PSG1: variants seen among roughly 807,000 people sequenced by gnomAD.
The protein encoded by PSG1 is pregnancy-specific beta-1-glycoprotein 1.
In PSG1, 60 loss-of-function variants were observed where a neutral mutation model predicts 41.4. The ratio of observed to expected loss-of-function variants is 1.45; its 90% CI spans 1.18 to 1.80. The LOEUF (loss-of-function observed/expected upper bound fraction) is 1.80, where lower values mean the gene tolerates loss of function less well. Ranked by LOEUF, PSG1 falls within the 40% of genes most tolerant of loss-of-function variation. The pLI is 0.00. For synonymous variants in PSG1, 256 were observed against 192.9 expected (o/e 1.33, Z -2.71); for missense variants, 806 against 516.9 (o/e 1.56, Z -5.42).
intron 2 of PSG1, among the ~76,000 whole-genome samples, chr19:42,875,405 G>C (rs1971561588): frequency 6.6e-6 from 1 of 151,674 alleles, no homozygotes; most frequent in Non-Finnish European, 1.5e-5. Context: ...GTGTCATTGG[G>C]ACAGGGTTTA....
Position 42,871,925 on chromosome 19 carries a change from C to A in PSG1, c.551G>T (p.Gly184Val). 6.2e-7 allele frequency: 1 copy of A among 1,612,436 alleles called. No homozygotes were observed. The highest frequency in any genetic ancestry group is 1.1e-5 in the South Asian group (1 of 90,824). The change falls in exon 3 of 6, where the codon GGT becomes GTT. Residue 184 changes from glycine to valine, a missense_variant. By Grantham distance (109) the Gly-to-Val change is moderately radical. Coordinates refer to ENST00000436291, the MANE Select transcript of PSG1 (RefSeq NM_001184825.2). Reference sequence around the variant, plus strand: ...GCTGTGAGTCATAGGGAGGCTCTGACCATTCATCCACCACAGGTAGCTTGC... The same window carrying A: ...GCTGTGAGTCATAGGGAGGCTCTGAACATTCATCCACCACAGGTAGCTTGC... ...PDASYLWWMN[G>V]QSLPMTHSLK...
chr19:42,876,316 A>G (rs538320378), intron 2 of PSG1, among the ~76,000 whole-genome samples: 2 of 151,518 alleles, frequency 1.3e-5, no homozygotes, highest in Admixed American at 1.3e-4. Context: ...TCCATAGTCC[A>G]GGACCAAGGA....
chr19:42,870,118 T>G, intron 3 of PSG1: 1 of 151,720 alleles, frequency 6.6e-6, no homozygotes, highest in Non-Finnish European at 1.5e-5. Flanking sequence ...GGGTGTGCAG[T>G]TTCAGTTATG....
At chr19:42,878,345 G>C (rs1971710329) in intron 1 of PSG1, 67 bp from the exon 2 acceptor site, 3 of 1,539,622 alleles carry the variant, frequency 1.9e-6, no homozygotes, top group East Asian at 2.3e-5. Context: ...ATGGGGCCCT[G>C]GGTCCTGAGA....
chr19:42,869,078 GATT>G, intron 3 of PSG1, 44 bp from the exon 4 acceptor site: 1 of 1,595,760 alleles, frequency 6.3e-7, no homozygotes, highest in Non-Finnish European at 8.5e-7. Context: ...TGGCACCTTT[GATT>G]CCTCCACAGG....
At position 42,878,264 on chromosome 19, in the gene PSG1, A is replaced by G; in HGVS notation, c.79T>C (p.Phe27Leu). 1 of 1,607,560 alleles carries G rather than the reference A, an allele frequency of 6.2e-7. No individual in the cohort carries two copies. The highest frequency in any genetic ancestry group is 8.5e-7 in the Non-Finnish European group (1 of 1,177,102). Reference sequence around the variant, plus strand: ...TGGGCAGTGGTGGGCAGGTTCCAGAAGTTTAAAAGTGATGCTAGGAGGTGG... The same window carrying G: ...TGGGCAGTGGTGGGCAGGTTCCAGAGGTTTAAAAGTGATGCTAGGAGGTGG... The part of the protein sequence containing the change: ...GLLLTASLLN[F>L]WNLPTTAQVT... Residue 27 changes from phenylalanine to leucine, a missense_variant, in exon 2 of 6, where the codon TTC (phenylalanine) becomes CTC (leucine). Coordinates refer to ENST00000436291, the MANE Select transcript of PSG1 (RefSeq NM_001184825.2).
intron 5 of PSG1, chr19:42,867,410 T>C: frequency 1.7e-6 from 1 of 575,712 alleles, no homozygotes; most frequent in Non-Finnish European, 3.1e-6. Flanking sequence ...TCTAAGTTTT[T>C]ATAAGGAATC....
At chr19:42,879,396 C>A in intron 1 of PSG1, 122 bp downstream of exon 1, 1 of 1,441,692 alleles carries the variant, frequency 6.9e-7, no homozygotes, top group Non-Finnish European at 9.6e-7. Context: ...TCATGATCCA[C>A]CCACCTCAGA....
chr19:42,879,590 C>T lies in PSG1; in HGVS notation c.-9G>A. 1 of 1,610,050 alleles carries T rather than the reference C, an allele frequency of 6.2e-7. No homozygotes were observed. Among genetic ancestry groups the T allele is most frequent in the Non-Finnish European group, 8.5e-7 (1 of 1,177,918 alleles). On this transcript the variant is annotated 5_prime_UTR_variant, in exon 1 of 6. Transcript: ENST00000436291. The stretch of plus-strand genomic sequence containing the variant: ...GCTGAGAGGGTTCCCATGGTCTCTG[C>T]TGCTTGTGTGTTCTCCTCTGTGGAG...
chr19:42,879,461 C>A (rs571630791), intron 1 of PSG1, 57 bp downstream of exon 1: 14 of 1,596,624 alleles, frequency 8.8e-6, no homozygotes, highest in South Asian at 1.1e-5. Context: ...TCCAGGAGAC[C>A]CCATCCAGTC....
In PSG1 at chr19:42,878,119, A is replaced by T. The variant is rs773134293; in HGVS notation, c.224T>A (p.Leu75His). The change falls in exon 2 of 6, where the codon CTC becomes CAC. Residue 75 changes from leucine to histidine, a missense_variant. Physicochemically the swap from Leu to His is moderately conservative, Grantham distance 99. Coordinates refer to ENST00000436291, the MANE Select transcript of PSG1 (RefSeq NM_001184825.2). The stretch of plus-strand genomic sequence containing the variant: ...TACATATGATGTAATGTAATGGTAG[A>T]GGTCCCTCATTTGCCCTTTGTACCA... ...YIWYKGQMRD[L>H]YHYITSYVVD... 3.1e-6 allele frequency: 5 copies of T among 1,612,352 alleles called. No individual in the cohort carries two copies. The Admixed American group carries it at 5.0e-5, about 16-fold the overall frequency.
At position 42,879,507 on chromosome 19, in the gene PSG1, T is replaced by C. The variant is rs373400456; in HGVS notation, c.64+11A>G. On this transcript the variant is annotated intron_variant, in intron 1 of 5. Coordinates refer to ENST00000436291, the MANE Select transcript of PSG1 (RefSeq NM_001184825.2). ...CTCCTCCTGTCCTCTCCCAGGAAGT[T>C]CTCTCCTCACCTGTGAGCAGGAGCC... 6 of 1,608,956 alleles carry C rather than the reference T, an allele frequency of 3.7e-6. No individual in the cohort carries two copies. The highest frequency in any genetic ancestry group is 5.1e-6 in the Non-Finnish European group (6 of 1,176,958).
chr19:42,879,144 T>A (rs1971754670), intron 1 of PSG1, among the ~76,000 whole-genome samples: 1 of 125,048 alleles, frequency 8.0e-6, no homozygotes, highest in Non-Finnish European at 1.6e-5. Context: ...CTTCTTTCCT[T>A]TTTTTCTTTT....
At chr19:42,872,185 G>A in intron 2 of PSG1, 140 bp from the exon 3 acceptor site, 1 of 1,271,452 alleles carries the variant, frequency 7.9e-7, no homozygotes. Context: ...TGTGATACAA[G>A]ACAGATGCAT....
chr19:42,868,987 C>G lies in PSG1; in HGVS notation c.757G>C (p.Glu253Gln). The G allele has an allele frequency of 6.2e-7, 1 of 1,610,620 alleles. No individual in the cohort carries two copies. The highest frequency in any genetic ancestry group is 8.5e-7 in the Non-Finnish European group (1 of 1,179,052). Residue 253 changes from glutamate to glutamine, a missense_variant, in exon 4 of 6, where the codon GAG becomes CAG. Coordinates refer to ENST00000436291, the MANE Select transcript of PSG1 (RefSeq NM_001184825.2). ...YITINNLNPR[E>Q]NKDVLNFTCE... The stretch of plus-strand genomic sequence containing the variant: ...GTGAAGTTTAAGACATCCTTATTCT[C>G]CCTGGGGTTTAAGTTGTTGATGGTG...
chr19:42,867,127 G>T lies in PSG1; in HGVS notation c.*7C>A, dbSNP rs1213372856. Reference sequence around the variant, plus strand: ...GGAGAAAATGGAATTGGAGGTACTAGTAGAATTCAGGGAACTGTCCAGTCT... The same window carrying T: ...GGAGAAAATGGAATTGGAGGTACTATTAGAATTCAGGGAACTGTCCAGTCT... On this transcript the variant is annotated 3_prime_UTR_variant, in exon 6 of 6. Coordinates refer to ENST00000436291, the MANE Select transcript of PSG1 (RefSeq NM_001184825.2). 1.3e-6 allele frequency: 1 copy of T among 771,662 alleles called. No homozygotes were observed. The highest frequency in any genetic ancestry group is 2.4e-6 in the Non-Finnish European group (1 of 417,518). 47.8% of individuals were successfully genotyped at this position (771,662 alleles called of 1,614,324 possible).
chr19:42,875,240 A>T (rs1185922295), intron 2 of PSG1, among the ~76,000 whole-genome samples: 1 of 151,794 alleles, frequency 6.6e-6, no homozygotes, highest in East Asian at 1.9e-4. Context: ...AACTTGAAGC[A>T]AGAATGATAA....
At position 42,879,613 on chromosome 19, in the gene PSG1, G is replaced by C; in HGVS notation, c.-32C>G. 6.2e-7 allele frequency: 1 copy of C among 1,608,080 alleles called. No individual in the cohort carries two copies. The highest frequency in any genetic ancestry group is 8.5e-7 in the Non-Finnish European group (1 of 1,176,862). On this transcript the variant is annotated 5_prime_UTR_variant, in exon 1 of 6. Transcript: ENST00000436291. ...TGCTGCTTGTGTGTTCTCCTCTGTG[G>C]AGATAAGCCTAGGATCCAGAAACTC...
In PSG1 at chr19:42,874,801, G is replaced by A. The variant is rs747566875; in HGVS notation, c.431-2756C>T. 2.5e-4 allele frequency among the ~76,000 whole-genome samples: 38 copies of A among 151,488 alleles called. 1 individual carries two copies. Among genetic ancestry groups the A allele is most frequent in the Non-Finnish European group, 5.0e-4 (34 of 67,832 alleles). On this transcript the variant is annotated intron_variant, in intron 2 of 5. Transcript: ENST00000436291. Reference sequence around the variant, plus strand: ...AATGTGAGCTCCATAGCAGGTTGAGGATGGCGTCATGAGTGAGGATGGGGT... The same window carrying A: ...AATGTGAGCTCCATAGCAGGTTGAGAATGGCGTCATGAGTGAGGATGGGGT...
Sources: gnomAD v4.1 joint callset for allele counts (sites outside exome capture counted in the v4.1 genomes callset) on GRCh38, gnomAD v4.1.1 for gene constraint, MANE v1.5 for transcripts, NCBI Gene and HGNC (gene_info 2026-07-23, HGNC 2026-07-21) for gene names.